The following ADORA2B variants were observed in gnomAD, a reference collection of about 807,000 sequenced individuals.
ADORA2B encodes the protein adenosine receptor A2b.
A neutral mutation model predicts 20.8 loss-of-function variants in ADORA2B; 18 were observed. That is an observed-to-expected ratio of 0.87 (90% CI 0.60 to 1.29). The LOEUF is 1.29. Among genes scored for constraint, ADORA2B ranks in the 50% most tolerant of loss-of-function variants. The probability of loss-of-function intolerance (pLI) is 0.00; values close to 1 mark genes in which losing one functional copy is unlikely to be tolerated. For missense variants in ADORA2B, 441 were observed against 422.7 expected (o/e 1.04, Z -0.38); for synonymous variants, 179 against 178.3 (o/e 1.00, Z -0.03).
the ADORA2B span, among the ~76,000 whole-genome samples, chr17:15,873,775 A>G: frequency 1.3e-5 from 2 of 152,190 alleles, no homozygotes; most frequent in South Asian, 4.1e-4. Flanking sequence ...GGAAAAGGGA[A>G]CGCTTATACA....
rs1283033328 is a variant in ADORA2B at position 15,957,928 on chromosome 17, TTTTG to T, written c.335+12357_335+12360del. Among the ~76,000 whole-genome samples, 9 of 152,322 alleles carry T rather than the reference TTTTG, an allele frequency of 5.9e-5. No individual in the cohort carries two copies. The South Asian group carries it at 1.4e-3, about 25-fold the overall frequency. On this transcript the variant is annotated intron_variant, in intron 1 of 1. Transcript: ENST00000304222. ...TTTAGCACCACTGCTGAGTGTTTTT[TTTTG>T]TTTGTTTGTTTTGTTTTTTAAACAT...
chr17:15,962,706 C>T (rs754453889), intron 1 of ADORA2B, among the ~76,000 whole-genome samples: 1 of 151,908 alleles, frequency 6.6e-6, no homozygotes, highest in African/African-American at 2.4e-5. Context: ...TTAGTAGAGA[C>T]GGGGTTTCAC....
At chr17:15,887,697 C>T in the ADORA2B span, among the ~76,000 whole-genome samples, 2 of 126,744 alleles carry the variant, frequency 1.6e-5, 1 homozygote, top group Admixed American at 1.6e-4. Context: ...CCTGTAATCC[C>T]AGTACTTTGG....
chr17:15,885,512 G>A, the ADORA2B span, among the ~76,000 whole-genome samples: 25 of 152,152 alleles, frequency 1.6e-4, no homozygotes, highest in African/African-American at 5.1e-4. Context: ...TCAGGAGTTC[G>A]AGACCAGCCT....
At chr17:15,917,550 C>T in the ADORA2B span, among the ~76,000 whole-genome samples, 2 of 152,216 alleles carry the variant, frequency 1.3e-5, no homozygotes, top group Non-Finnish European at 2.9e-5. Context: ...TCCCCCTGCC[C>T]AGCCCTGCCC....
chr17:15,866,111 G>A, the ADORA2B span, among the ~76,000 whole-genome samples: 2,802 of 152,178 alleles, frequency 0.018, 75 homozygotes, highest in African/African-American at 0.063. Flanking sequence ...GGTGAATAGC[G>A]CTGTTATGTT....
intron 1 of ADORA2B, among the ~76,000 whole-genome samples, chr17:15,964,996 C>T (rs1212001629): frequency 1.3e-5 from 2 of 151,960 alleles, no homozygotes. Flanking sequence ...GGAGGCGGAG[C>T]TTGCAGTGAG....
At chr17:15,933,697 T>C in the ADORA2B span, among the ~76,000 whole-genome samples, 1 of 152,170 alleles carries the variant, frequency 6.6e-6, no homozygotes, top group Admixed American at 6.5e-5. Context: ...TCTAAAAGGT[T>C]TTGTTTTTGT....
the ADORA2B span, chr17:15,908,767 A>T: frequency 6.5e-6 from 1 of 153,106 alleles, no homozygotes; most frequent in South Asian, 2.1e-4. Context: ...ATCCTAGTGG[A>T]CCAACACCCA....
chr17:15,876,286 G>A, the ADORA2B span, among the ~76,000 whole-genome samples: 4 of 152,084 alleles, frequency 2.6e-5, no homozygotes, highest in South Asian at 4.1e-4. Flanking sequence ...ATTTGCCAGT[G>A]TTGCAGCAAG....
chr17:15,886,658 A>C, the ADORA2B span, among the ~76,000 whole-genome samples: 2 of 130,672 alleles, frequency 1.5e-5, no homozygotes, highest in Non-Finnish European at 3.2e-5. Flanking sequence ...AAGGAAGAAG[A>C]GTGGAATTTA....
chr17:15,948,059 T>A (rs1011120175), intron 1 of ADORA2B, among the ~76,000 whole-genome samples: 10 of 152,018 alleles, frequency 6.6e-5, no homozygotes, highest in African/African-American at 2.4e-4. Flanking sequence ...GTGTGTCCCC[T>A]TTGAAGCCAA....
At chr17:15,934,255 G>A in the ADORA2B span, among the ~76,000 whole-genome samples, 1 of 151,946 alleles carries the variant, frequency 6.6e-6, no homozygotes, top group Non-Finnish European at 1.5e-5. Context: ...TTGAGATGGA[G>A]TCTGGCTCTG....
chr17:15,852,013 T>C, the ADORA2B span, among the ~76,000 whole-genome samples: 1,299 of 152,348 alleles, frequency 8.5e-3, 7 homozygotes, highest in Non-Finnish European at 0.013. Flanking sequence ...ACTTCGTATG[T>C]TTACAGACGG....
chr17:15,967,247 G>A (rs1484168293), intron 1 of ADORA2B, among the ~76,000 whole-genome samples: 1 of 145,416 alleles, frequency 6.9e-6, no homozygotes. Flanking sequence ...TTTTTTTTTC[G>A]AGATGGAGTC....
At chr17:15,923,701 C>A in the ADORA2B span, among the ~76,000 whole-genome samples, 1 of 152,158 alleles carries the variant, frequency 6.6e-6, no homozygotes, top group East Asian at 1.9e-4. Context: ...CCACCGCGCC[C>A]GGTCCCATTG....
chr17:15,902,637 C>T, the ADORA2B span, among the ~76,000 whole-genome samples: 1 of 152,228 alleles, frequency 6.6e-6, no homozygotes, highest in Non-Finnish European at 1.5e-5. Context: ...TCTCTTCCAT[C>T]TGATTTGTTC....
chr17:15,879,021 CTT>C, the ADORA2B span, among the ~76,000 whole-genome samples: 1 of 151,894 alleles, frequency 6.6e-6, no homozygotes, highest in Non-Finnish European at 1.5e-5. Flanking sequence ...TTTTATAACT[CTT>C]ATTGATGAAG....
intron 1 of ADORA2B, among the ~76,000 whole-genome samples, chr17:15,959,076 G>A (rs1489570388): frequency 6.6e-6 from 1 of 152,148 alleles, no homozygotes; most frequent in Non-Finnish European, 1.5e-5. Flanking sequence ...ATCCCACATC[G>A]TGTGTCCTGA....
Sources: allele counts gnomAD v4.1 joint callset (sites outside exome capture counted in the v4.1 genomes callset), GRCh38; gene constraint gnomAD v4.1.1; transcripts MANE v1.5; gene names NCBI Gene and HGNC (gene_info 2026-07-23, HGNC 2026-07-21).